The following WWOX variants were observed in gnomAD, a reference collection of about 807,000 sequenced individuals.
WWOX encodes WW domain containing oxidoreductase, also known as WW domain-containing oxidoreductase.
A neutral mutation model predicts 46.2 loss-of-function variants in WWOX; 69 were observed. The ratio of observed to expected loss-of-function variants is 1.49; its 90% CI spans 1.23 to 1.82. The LOEUF is 1.82. Ranked by LOEUF, WWOX falls within the 40% of genes most tolerant of loss-of-function variation. The pLI is 0.00. For synonymous variants in WWOX, 359 were observed against 202.6 expected, an observed-to-expected ratio of 1.77 and a Z score of -6.56; for missense variants, 919 against 542.6, an observed-to-expected ratio of 1.69 and a Z score of -6.89.
At chr16:78,710,498 A>ATTTT (rs1555520990) in intron 8 of WWOX, among the ~76,000 whole-genome samples, 9 of 132,808 alleles carry the variant, frequency 6.8e-5, no homozygotes, top group African/African-American at 2.3e-4. Flanking sequence ...ATATATATAT[A>ATTTT]TTTATATAAA....
At chr16:78,186,185 A>T (rs2035696725) in intron 5 of WWOX, among the ~76,000 whole-genome samples, 1 of 152,068 alleles carries the variant, frequency 6.6e-6, no homozygotes, top group Admixed American at 6.6e-5. Context: ...AATATTTGAG[A>T]CATACTAGGT....
At chr16:78,386,242 A>G (rs998253032) in intron 5 of WWOX, among the ~76,000 whole-genome samples, 1 of 152,174 alleles carries the variant, frequency 6.6e-6, no homozygotes, top group African/African-American at 2.4e-5. Flanking sequence ...CCCTAAGTAC[A>G]CAGTAGCCAT....
intron 8 of WWOX, among the ~76,000 whole-genome samples, chr16:78,767,335 G>T (rs766012819): frequency 4.0e-5 from 6 of 151,580 alleles, no homozygotes; most frequent in African/African-American, 1.5e-4. Context: ...AGATTTTGCC[G>T]TGTTGCCCTG....
chr16:78,514,681 A>G (rs1430095901), intron 8 of WWOX, among the ~76,000 whole-genome samples: 1 of 152,200 alleles, frequency 6.6e-6, no homozygotes, highest in African/African-American at 2.4e-5. Context: ...AAGGCTGGCA[A>G]TTTATTATTA....
intron 8 of WWOX, among the ~76,000 whole-genome samples, chr16:78,877,348 G>C (rs528401186): frequency 3.7e-4 from 56 of 150,674 alleles, no homozygotes; most frequent in Middle Eastern, 3.4e-3. Flanking sequence ...TTCTTCTTCA[G>C]CTGTTCCTCA....
At chr16:78,205,150 A>G (rs936994252) in intron 5 of WWOX, among the ~76,000 whole-genome samples, 1 of 152,158 alleles carries the variant, frequency 6.6e-6, no homozygotes, top group African/African-American at 2.4e-5. Context: ...ACAGGATGAC[A>G]TGACAATTAT....
intron 8 of WWOX, among the ~76,000 whole-genome samples, chr16:78,795,639 C>G (rs899965684): frequency 6.6e-6 from 1 of 152,192 alleles, no homozygotes; most frequent in Admixed American, 6.5e-5. Flanking sequence ...ATGTATAATT[C>G]TGGCTTTTGA....
intron 8 of WWOX, among the ~76,000 whole-genome samples, chr16:78,627,957 G>T (rs1040865730): frequency 2.0e-5 from 3 of 152,222 alleles, no homozygotes; most frequent in African/African-American, 7.2e-5. Flanking sequence ...CCTGTTGAGA[G>T]CTCTGTTGAC....
At chr16:78,935,137 C>T (rs549617252) in intron 8 of WWOX, among the ~76,000 whole-genome samples, 2 of 152,256 alleles carry the variant, frequency 1.3e-5, no homozygotes, top group South Asian at 4.1e-4. Flanking sequence ...GAAATAGGAA[C>T]ACTTTTACAC....
chr16:78,818,626 G>C (rs891158432), intron 8 of WWOX, among the ~76,000 whole-genome samples: 23 of 152,224 alleles, frequency 1.5e-4, no homozygotes, highest in African/African-American at 5.5e-4. Flanking sequence ...AGCTACTCAG[G>C]AGACTGAGGC....
intron 8 of WWOX, among the ~76,000 whole-genome samples, chr16:78,444,498 T>C (rs906225600): frequency 2.0e-5 from 3 of 151,710 alleles, no homozygotes; most frequent in African/African-American, 7.3e-5. Context: ...TCAGAAATTA[T>C]AGGAAGGATA....
intron 8 of WWOX, among the ~76,000 whole-genome samples, chr16:79,033,352 A>T (rs1167005270): frequency 6.7e-6 from 1 of 148,902 alleles, no homozygotes; most frequent in Non-Finnish European, 1.5e-5. Context: ...TATACATAAT[A>T]TATACATAAT....
intron 8 of WWOX, chr16:78,890,820 A>C (rs1225937792): frequency 6.6e-6 from 1 of 152,210 alleles, no homozygotes; most frequent in Admixed American, 6.5e-5. Context: ...GGTTTCGAGC[A>C]TGTTTTGTCA....
intron 8 of WWOX, among the ~76,000 whole-genome samples, chr16:78,621,559 T>G (rs2046182932): frequency 6.7e-6 from 1 of 149,610 alleles, no homozygotes; most frequent in Non-Finnish European, 1.5e-5. Context: ...ATTCAATGAT[T>G]CACTTGCACC....
At chr16:79,001,705 A>T (rs1377343523) in intron 8 of WWOX, among the ~76,000 whole-genome samples, 1 of 150,944 alleles carries the variant, frequency 6.6e-6, no homozygotes, top group African/African-American at 2.4e-5. Context: ...GACCTCAGGC[A>T]TGAAGGGAGG....
chr16:78,334,847 CACACACACAA>C (rs1567508456), intron 5 of WWOX, among the ~76,000 whole-genome samples: 10 of 142,700 alleles, frequency 7.0e-5, no homozygotes, highest in African/African-American at 2.7e-4. Context: ...CACACACACA[CACACACACAA>C]AATCACCAAA....
chr16:78,547,130 A>G (rs1227464146), intron 8 of WWOX, among the ~76,000 whole-genome samples: 3 of 33,402 alleles, frequency 9.0e-5, no homozygotes, highest in Non-Finnish European at 1.1e-4. Context: ...TGTCTCAGAA[A>G]AAAAAAAAAA....
intron 1 of WWOX, among the ~76,000 whole-genome samples, chr16:78,105,539 A>G (rs1309320143): frequency 6.6e-6 from 1 of 152,082 alleles, no homozygotes. Flanking sequence ...ATGTTCTGTG[A>G]AAGTCAAGAA....
intron 5 of WWOX, among the ~76,000 whole-genome samples, chr16:78,267,908 T>G (rs1320243324): frequency 6.6e-6 from 1 of 152,170 alleles, no homozygotes; most frequent in African/African-American, 2.4e-5. Context: ...GCCTTGACTT[T>G]CCAGGCTCAA....
Sources: allele counts gnomAD v4.1 joint callset (sites outside exome capture counted in the v4.1 genomes callset), GRCh38; gene constraint gnomAD v4.1.1; transcripts MANE v1.5; gene names NCBI Gene and HGNC (gene_info 2026-07-23, HGNC 2026-07-21).